The following LRP2BP variants were observed in gnomAD, a reference collection of about 807,000 sequenced individuals.
LRP2BP encodes the protein LRP2-binding protein.
LRP2BP carries 38 observed loss-of-function variants against 45.2 expected under a neutral mutation model. The observed-to-expected ratio is 0.84, with a 90% CI of 0.65 to 1.10. The LOEUF is 1.10. Ranked by LOEUF, LRP2BP falls within the 50% of genes least tolerant of loss-of-function variation. The probability of loss-of-function intolerance (pLI) is 0.00; values close to 1 mark genes in which losing one functional copy is unlikely to be tolerated. For missense variants in LRP2BP, 385 were observed against 418.9 expected (o/e 0.92, Z 0.71); for synonymous variants, 153 against 153.9 (o/e 0.99, Z 0.04).
At chr4:185,379,454 A>G (rs187376433) in intron 1 of LRP2BP, among the ~76,000 whole-genome samples, 1 of 152,376 alleles carries the variant, frequency 6.6e-6, no homozygotes, top group Non-Finnish European at 1.5e-5. Flanking sequence ...CAGGAAGGGC[A>G]TCAGAAATGA....
rs762774467 is a variant in LRP2BP, at chr4:185,370,732, T to C, written c.886A>G (p.Met296Val). Residue 296 changes from methionine to valine, a missense_variant, in exon 8 of 9, where the codon ATG (methionine) becomes GTG (valine). Transcript: ENST00000505916. ...DCLPEFIGRG[M>V]AMASFYHARC... ...GCGTGGTAGAAGGATGCCATTGCCA[T>C]GCCTCTGCCGATGAACTCCGGGAGA... The C allele has an allele frequency of 5.0e-5, 81 of 1,614,004 alleles. 1 individual carries two copies. Among genetic ancestry groups the C allele is most frequent in the South Asian group, 2.1e-4 (19 of 91,082 alleles).
chr4:185,385,601 T>C (rs1183501674), intron 1 of LRP2BP, among the ~76,000 whole-genome samples: 1 of 152,164 alleles, frequency 6.6e-6, no homozygotes, highest in African/African-American at 2.4e-5. Context: ...ACAAACTGAA[T>C]GTATAGTAAC....
rs1355070046 is a variant in LRP2BP, at chr4:185,386,669, G to A, written c.-22+8110C>T. On this transcript the variant is annotated intron_variant, in intron 1 of 8. Transcript: ENST00000505916. ...GTCCTGGCCCAAACTTTTGGCTATA[G>A]GAGACAGGTACACCCCAACGTGACC... Among the ~76,000 whole-genome samples the A allele has an allele frequency of 2.0e-5, 3 of 152,140 alleles. No individual in the cohort carries two copies. In the East Asian group the frequency reaches 5.8e-4, roughly 29 times the overall value.
intron 1 of LRP2BP, among the ~76,000 whole-genome samples, chr4:185,388,422 CCTTTTA>C (rs1001981349): frequency 6.6e-6 from 1 of 152,264 alleles, no homozygotes; most frequent in Non-Finnish European, 1.5e-5. Context: ...ATTTCCTTTT[CCTTTTA>C]CTATCTATCT....
chr4:185,366,437 T>G lies in LRP2BP; in HGVS notation c.*743A>C, dbSNP rs1290095611. 6.6e-6 allele frequency: 1 copy of G among 152,244 alleles called. No individual in the cohort carries two copies. Among genetic ancestry groups the G allele is most frequent in the Non-Finnish European group, 1.5e-5 (1 of 68,042 alleles). 9.4% of individuals were successfully genotyped at this position (152,244 alleles called of 1,614,324 possible). A position where few individuals can be genotyped will look rare whatever the true frequency, so the allele number is the denominator to read the frequency against. ...TCTGCATATGTATGTAGCAGTTGTT[T>G]TACTCATTAAGATCTTTGAGGGAAG... On this transcript the variant is annotated 3_prime_UTR_variant, in exon 9 of 9. Coordinates refer to ENST00000505916, the MANE Select transcript of LRP2BP (RefSeq NM_001377440.1).
rs1420165821 is a variant in LRP2BP at position 185,378,205 on chromosome 4, A to T, written c.-19T>A. The T allele has an allele frequency of 6.2e-7, 1 of 1,611,420 alleles. No individual in the cohort carries two copies. The highest frequency in any genetic ancestry group is 1.7e-4 in the Middle Eastern group (1 of 6,036). On this transcript the variant is annotated splice_region_variant and 5_prime_UTR_variant, in exon 2 of 9. Coordinates refer to ENST00000505916, the MANE Select transcript of LRP2BP (RefSeq NM_001377440.1). ...ACTTCATCCTTTTTCTGCAATGTGT[A>T]TTCTATAAGCAAGAAGAAAAAATAA...
At chr4:185,396,767 G>A, upstream of LRP2BP, 1 of 764,808 alleles carries the variant, frequency 1.3e-6, no homozygotes, top group Non-Finnish European at 2.2e-6. Context: ...CGTAACCGGA[G>A]CTGGGGCGCG....
intron 6 of LRP2BP, among the ~76,000 whole-genome samples, chr4:185,373,522 G>C (rs1480742198): frequency 6.6e-6 from 1 of 152,200 alleles, no homozygotes; most frequent in Non-Finnish European, 1.5e-5. Context: ...GATAAACGCT[G>C]TATGTAGGCT....
chr4:185,389,270 G>A lies in LRP2BP; in HGVS notation c.-22+5509C>T, dbSNP rs186343735. The stretch of plus-strand genomic sequence containing the variant: ...GTTGCCCAGGCTGGAGTGCAATGGC[G>A]CAATCTTGGTTCACTGCAACCTCCA... On this transcript the variant is annotated intron_variant, in intron 1 of 8. Coordinates refer to ENST00000505916, the MANE Select transcript of LRP2BP (RefSeq NM_001377440.1). Among the ~76,000 whole-genome samples the A allele has an allele frequency of 2.5e-3, 383 of 151,594 alleles. 1 individual carries two copies. The highest frequency in any genetic ancestry group is 5.1e-3 in the African/African-American group (211 of 41,328).
Position 185,378,081 on chromosome 4 carries a change from C to A in LRP2BP, c.106G>T (p.Asp36Tyr). 1.2e-6 allele frequency: 2 copies of A among 1,609,768 alleles called. No individual in the cohort carries two copies. Among genetic ancestry groups the A allele is most frequent in the Non-Finnish European group, 1.7e-6 (2 of 1,176,792 alleles). ...GAAGCTTAAATATCAGGATTTGTAC[C>A]AGTCTTTTCCTTTTTCCACTGGAAA... is the stretch of plus-strand genomic sequence containing the variant. ...KFFQWKKEKT[D>Y]YTHANLVDKA... is the part of the protein sequence containing the mutation. Residue 36 changes from aspartate (D) to tyrosine (Y), a missense_variant and splice_region_variant, in exon 2 of 9, where the codon GAT becomes TAT. Coordinates refer to ENST00000505916, the MANE Select transcript of LRP2BP (RefSeq NM_001377440.1).
chr4:185,394,389 A>T (rs910186154), intron 1 of LRP2BP, among the ~76,000 whole-genome samples: 2 of 152,178 alleles, frequency 1.3e-5, no homozygotes, highest in African/African-American at 4.8e-5. Flanking sequence ...TCTGGAGTCA[A>T]ACTGACTTCA....
chr4:185,375,590 CTG>C (rs1271437888), intron 4 of LRP2BP, 21 bp downstream of exon 4: 3 of 1,367,080 alleles, frequency 2.2e-6, no homozygotes, highest in Non-Finnish European at 2.9e-6. Context: ...ATCTTAACCA[CTG>C]TGACCAAGAC....
intron 8 of LRP2BP, chr4:185,370,319 A>ACATT: frequency 3.9e-6 from 1 of 253,866 alleles, no homozygotes; most frequent in Non-Finnish European, 7.9e-6. Context: ...ATGAACGTAT[A>ACATT]CATTCACACT....
chr4:185,389,441 A>C (rs1237632698), intron 1 of LRP2BP, among the ~76,000 whole-genome samples: 1 of 150,424 alleles, frequency 6.6e-6, no homozygotes, highest in Admixed American at 6.6e-5. Flanking sequence ...TGAACTCCTG[A>C]CCTTGTGATC....
intron 1 of LRP2BP, among the ~76,000 whole-genome samples, chr4:185,380,963 G>T (rs1336239151): frequency 6.6e-6 from 1 of 151,976 alleles, no homozygotes; most frequent in Non-Finnish European, 1.5e-5. Flanking sequence ...TGAAGTAAAT[G>T]AAAGATACAG....
rs2095411692 is a variant in LRP2BP, at chr4:185,370,677, G to T, written c.941C>A (p.Thr314Asn). 5 of 1,613,870 alleles carry T rather than the reference G, an allele frequency of 3.1e-6. No homozygotes were observed. Among genetic ancestry groups the T allele is most frequent in the Non-Finnish European group, 4.2e-6 (5 of 1,179,986 alleles). The change falls in exon 8 of 9, where the codon ACC becomes AAC. Residue 314 changes from threonine (T) to asparagine (N), a missense_variant. Transcript: ENST00000505916. Reference protein sequence around the residue: ...ARCLQLGLGITRDETTAKHYY... With the variant: ...ARCLQLGLGINRDETTAKHYY... ...GTGTTTAGCGGTTGTTTCATCCCTG[G>T]TGATGCCCAAGCCAAGCTGAAGACA...
Position 185,388,444 on chromosome 4 carries a change from T to C in LRP2BP, c.-22+6335A>G, listed in dbSNP as rs12640232. On this transcript the variant is annotated intron_variant, in intron 1 of 8. Coordinates refer to ENST00000505916, the MANE Select transcript of LRP2BP (RefSeq NM_001377440.1). Reference sequence around the variant, plus strand: ...TTTCCTTTTACTATCTATCTACCTATCTGCCTACCTACCTACCTAACCTGC... The same window carrying C: ...TTTCCTTTTACTATCTATCTACCTACCTGCCTACCTACCTACCTAACCTGC... Among the ~76,000 whole-genome samples the C allele has an allele frequency of 7.9e-4, 4 of 5,086 alleles. No individual in the cohort carries two copies. The South Asian group carries it at 0.035, about 44-fold the overall frequency. 3.3% of individuals were successfully genotyped at this position (5,086 alleles called of 152,430 possible).
intron 1 of LRP2BP, among the ~76,000 whole-genome samples, chr4:185,394,268 A>T (rs1164463923): frequency 9.0e-4 from 121 of 134,356 alleles, no homozygotes; most frequent in African/African-American, 3.3e-3. Flanking sequence ...CAGAGTTAAA[A>T]AAAAAAAAAA....
chr4:185,379,826 C>G (rs1316389738), intron 1 of LRP2BP, among the ~76,000 whole-genome samples: 2 of 152,082 alleles, frequency 1.3e-5, no homozygotes, highest in Non-Finnish European at 2.9e-5. Flanking sequence ...CTCTCTCTCT[C>G]TCTCTCTCTG....
Sources: allele counts gnomAD v4.1 joint callset (sites outside exome capture counted in the v4.1 genomes callset), GRCh38; gene constraint gnomAD v4.1.1; transcripts MANE v1.5; gene names NCBI Gene and HGNC (gene_info 2026-07-23, HGNC 2026-07-21).